Variants in CSMD1 observed in about 807,000 individuals in gnomAD.
The protein encoded by CSMD1 is CUB and sushi domain-containing protein 1.
In CSMD1, 213 loss-of-function variants were observed where a neutral mutation model predicts 417.5. The ratio of observed to expected loss-of-function variants is 0.51; its 90% confidence interval spans 0.46 to 0.57. CSMD1 has a LOEUF of 0.57. Ranked by LOEUF, CSMD1 falls within the 20% of genes least tolerant of loss-of-function variation. The probability of loss-of-function intolerance (pLI) is 0.00; values close to 1 mark genes in which losing one functional copy is unlikely to be tolerated. For synonymous variants in CSMD1, 2,862 were observed against 1,736.8 expected (o/e 1.65, Z -16.11); for missense variants, 6,923 against 4,529.7 (o/e 1.53, Z -15.17).
intron 2 of CSMD1, among the ~76,000 whole-genome samples, chr8:4,541,943 G>T (rs1324896455): frequency 1.3e-4 from 20 of 152,114 alleles, no homozygotes; most frequent in Admixed American, 1.3e-3. Context: ...GTTGGCAGGC[G>T]ATGAATTTCC....
chr8:3,451,036 G>C (rs1479198737), intron 12 of CSMD1, among the ~76,000 whole-genome samples: 3 of 152,140 alleles, frequency 2.0e-5, no homozygotes, highest in African/African-American at 7.2e-5. Flanking sequence ...GTCTCATTGT[G>C]GTTTTGATTT....
chr8:3,736,517 T>C (rs1796528327), intron 6 of CSMD1, among the ~76,000 whole-genome samples: 1 of 152,198 alleles, frequency 6.6e-6, no homozygotes, highest in Non-Finnish European at 1.5e-5. Flanking sequence ...ATTGCTGGGA[T>C]CACTGGTGTG....
At chr8:4,247,416 C>T (rs757843510) in intron 3 of CSMD1, among the ~76,000 whole-genome samples, 26 of 152,294 alleles carry the variant, frequency 1.7e-4, no homozygotes, top group East Asian at 3.9e-4. Flanking sequence ...GCTTGCAGTT[C>T]TCCTGCTGTG....
intron 2 of CSMD1, among the ~76,000 whole-genome samples, chr8:4,607,813 C>G (rs967793504): frequency 1.3e-5 from 2 of 152,186 alleles, no homozygotes; most frequent in Non-Finnish European, 2.9e-5. Context: ...GTACTTTTCC[C>G]TTTGCAATAA....
At chr8:4,763,304 T>C (rs1309429465) in intron 1 of CSMD1, among the ~76,000 whole-genome samples, 1 of 152,232 alleles carries the variant, frequency 6.6e-6, no homozygotes, top group Non-Finnish European at 1.5e-5. Context: ...AAAGTAACTC[T>C]TTCCCTCCTG....
At chr8:3,401,968 T>G (rs1812065392) in intron 15 of CSMD1, among the ~76,000 whole-genome samples, 2 of 151,072 alleles carry the variant, frequency 1.3e-5, no homozygotes, top group African/African-American at 2.4e-5. Flanking sequence ...TTTTTTTTTT[T>G]GATGATTTAA....
At chr8:2,949,887 G>A (rs143786650) in intron 67 of CSMD1, among the ~76,000 whole-genome samples, 1 of 152,198 alleles carries the variant, frequency 6.6e-6, no homozygotes, top group East Asian at 1.9e-4. Context: ...TTTAGAACGA[G>A]CAGCGTGGTT....
At chr8:4,374,725 C>G (rs1802611081) in intron 3 of CSMD1, among the ~76,000 whole-genome samples, 1 of 152,080 alleles carries the variant, frequency 6.6e-6, no homozygotes, top group Non-Finnish European at 1.5e-5. Context: ...CTGGAGCAGA[C>G]TAAGCATGAG....
chr8:4,781,071 C>T (rs766721047), intron 1 of CSMD1, among the ~76,000 whole-genome samples: 1 of 152,144 alleles, frequency 6.6e-6, no homozygotes, highest in Non-Finnish European at 1.5e-5. Context: ...TTCTGTGTCC[C>T]GCCGTCTTGT....
chr8:3,430,934 C>T (rs1381040502), intron 12 of CSMD1, among the ~76,000 whole-genome samples: 2 of 152,158 alleles, frequency 1.3e-5, no homozygotes, highest in African/African-American at 2.4e-5. Flanking sequence ...TGAATAGTTG[C>T]ATGACTAGTA....
At chr8:4,571,905 G>A (rs1328102971) in intron 2 of CSMD1, among the ~76,000 whole-genome samples, 2 of 152,064 alleles carry the variant, frequency 1.3e-5, no homozygotes, top group African/African-American at 2.4e-5. Context: ...GATCTTTGTT[G>A]GTTTAAAGTC....
intron 1 of CSMD1, among the ~76,000 whole-genome samples, chr8:4,815,283 C>G (rs2117355707): frequency 6.6e-6 from 1 of 152,246 alleles, no homozygotes; most frequent in African/African-American, 2.4e-5. Context: ...AACCAATCTG[C>G]ATTTGTGTCC....
intron 10 of CSMD1, among the ~76,000 whole-genome samples, chr8:3,538,131 A>G (rs777715893): frequency 1.1e-4 from 17 of 152,224 alleles, no homozygotes; most frequent in Non-Finnish European, 2.1e-4. Flanking sequence ...ACGATTGCAC[A>G]TGGACTTCTA....
In CSMD1 at chr8:3,914,379, A is replaced by C. The variant is rs1382967538; in HGVS notation, c.818+83524T>G. Among the ~76,000 whole-genome samples the C allele has an allele frequency of 7.8e-4, 118 of 152,196 alleles. 1 individual carries two copies. Among genetic ancestry groups the C allele is most frequent in the South Asian group, 6.2e-4 (3 of 4,824 alleles). Reference sequence around the variant, plus strand: ...CATTACGTTGGATAGATGTAAAAACATACGGGTACAGATAAAGATGTTTGG... The same window carrying C: ...CATTACGTTGGATAGATGTAAAAACCTACGGGTACAGATAAAGATGTTTGG... On this transcript the variant is annotated intron_variant, in intron 5 of 69. Transcript: ENST00000635120.
chr8:3,116,397 G>A (rs1417306734), intron 42 of CSMD1, among the ~76,000 whole-genome samples: 1 of 152,034 alleles, frequency 6.6e-6, no homozygotes, highest in East Asian at 2.0e-4. Flanking sequence ...TCTGCCACAT[G>A]TGTCTTTTCC....
chr8:4,969,896 G>C (rs1810129268), intron 1 of CSMD1, among the ~76,000 whole-genome samples: 1 of 152,042 alleles, frequency 6.6e-6, no homozygotes, highest in Non-Finnish European at 1.5e-5. Flanking sequence ...CAAAATAAAG[G>C]TAGTTTAGAG....
In CSMD1 at chr8:3,316,829, A is replaced by G. The variant is rs549534477; in HGVS notation, c.3632-8326T>C. ...GGCAACGGAGAAGACTGCACAGGAA[A>G]CTGACACAAGTATATTCGTATTTCA... On this transcript the variant is annotated intron_variant, in intron 23 of 69. Coordinates refer to ENST00000635120, the MANE Select transcript of CSMD1 (RefSeq NM_033225.6). Among the ~76,000 whole-genome samples the G allele has an allele frequency of 3.9e-5, 6 of 152,210 alleles. No individual in the cohort carries two copies. In the East Asian group the frequency reaches 5.8e-4, roughly 15 times the overall value.
chr8:3,482,727 G>T (rs942646419), intron 11 of CSMD1, among the ~76,000 whole-genome samples: 2 of 152,220 alleles, frequency 1.3e-5, no homozygotes, highest in African/African-American at 4.8e-5. Context: ...CACACCCTGG[G>T]CCAGATAATA....
rs968743806 is a variant in CSMD1, at chr8:3,754,734, C to T, written c.819-692G>A. Among the ~76,000 whole-genome samples the T allele has an allele frequency of 3.3e-5, 5 of 152,266 alleles. No homozygotes were observed. The East Asian group carries it at 7.7e-4, about 24-fold the overall frequency. ...CCTTCCAAAGTGCTTGGATTACAAG[C>T]GTGAGCCACGGCGCCCGGCCACAAG... is the stretch of plus-strand genomic sequence containing the variant. On this transcript the variant is annotated intron_variant, in intron 5 of 69. Transcript: ENST00000635120.
Sources: allele counts gnomAD v4.1 joint callset (sites outside exome capture counted in the v4.1 genomes callset), GRCh38; gene constraint gnomAD v4.1.1; transcripts MANE v1.5; gene names NCBI Gene and HGNC (gene_info 2026-07-23, HGNC 2026-07-21).